Variants in ATG9B observed in about 807,000 individuals in gnomAD.
The protein encoded by ATG9B is autophagy related 9B.
In ATG9B, 92 loss-of-function variants were observed where a neutral mutation model predicts 92.9. The observed-to-expected ratio is 0.99, with a 90% CI of 0.84 to 1.18. ATG9B has a LOEUF of 1.18. ATG9B is among the 50% of genes most tolerant of loss of function. ATG9B has a pLI of 0.00. For missense variants in ATG9B, 1,344 were observed against 1,235.0 expected (o/e 1.09, Z -1.32); for synonymous variants, 599 against 551.4 (o/e 1.09, Z -1.21).
downstream of ATG9B, chr7:151,013,456 A>G (rs933773047): frequency 7.3e-6 from 11 of 1,514,086 alleles, no homozygotes; most frequent in Middle Eastern, 1.7e-4. Flanking sequence ...AGCGGGGCAC[A>G]CCAACCACGG....
rs768357564 is a variant in ATG9B, at chr7:151,016,469, A to C, written c.2482T>G (p.Ser828Ala). The part of the protein sequence containing the change: ...QKLAQLPELA[S>A]AEMSLHVIYL... ...ATGACATGGAGACTCATCTCGGCAG[A>C]AGCAAGTTCTGGGAGCTGGGCCAGC... Residue 828 changes from serine (S) to alanine (A), a missense_variant, in exon 11 of 14, where the codon TCT (serine) becomes GCT (alanine). Coordinates refer to ENST00000639579, the MANE Select transcript of ATG9B (RefSeq NM_001317056.2). The C allele has an allele frequency of 7.2e-5, 111 of 1,551,344 alleles. No homozygotes were observed. The highest frequency in any genetic ancestry group is 9.4e-5 in the Non-Finnish European group (108 of 1,146,972).
At chr7:151,016,648 C>G (rs992301480) in intron 10 of ATG9B, 40 bp downstream of exon 10, 9 of 1,549,638 alleles carry the variant, frequency 5.8e-6, no homozygotes, top group Non-Finnish European at 7.8e-6. Flanking sequence ...TCAGCCCACC[C>G]CCCTCCACAT....
chr7:151,019,115 G>C lies in ATG9B; in HGVS notation c.1223C>G (p.Pro408Arg). ...CCAGCCCCCGCGGAAGAGCGAGAAG[G>C]GACCGCGGAAGAGCAGCAGGTCGAC... Reference protein sequence around the residue: ...LNVDLLLFRGPFSLFRGGWEL... With the variant: ...LNVDLLLFRGRFSLFRGGWEL... Residue 408 changes from proline to arginine, a missense_variant, in exon 6 of 14, where the codon CCC becomes CGC. By Grantham distance (103) the Pro-to-Arg change is moderately radical (BLOSUM62 -2). Coordinates refer to ENST00000639579, the MANE Select transcript of ATG9B (RefSeq NM_001317056.2). 2.6e-6 allele frequency: 4 copies of C among 1,535,886 alleles called. No homozygotes were observed. Among genetic ancestry groups the C allele is most frequent in the Non-Finnish European group, 3.5e-6 (4 of 1,146,580 alleles).
rs145260851 is a variant in ATG9B, at chr7:151,017,533, C to T, written c.2053-261G>A. ...ATCCTGACAGCCTTGGTCCAGGCAC[C>T]AGTCCTTACTCAGCCCCACCCACCG... is the stretch of plus-strand genomic sequence containing the variant. On this transcript the variant is annotated intron_variant, in intron 8 of 13. Transcript: ENST00000639579. 3.0e-3 allele frequency among the ~76,000 whole-genome samples: 452 copies of T among 152,290 alleles called. 2 individuals carry two copies. The highest frequency in any genetic ancestry group is 0.01 in the African/African-American group (433 of 41,556).
At chr7:151,023,385 T>C in intron 3 of ATG9B, 60 bp downstream of exon 3, 1 of 1,605,030 alleles carries the variant, frequency 6.2e-7, no homozygotes, top group Non-Finnish European at 8.5e-7. Flanking sequence ...GGAAGCAAAA[T>C]GACAGAAGGA....
In ATG9B at chr7:151,016,693, G is replaced by A. The variant is rs1215991898; in HGVS notation, c.2418C>T (p.Asp806=). The change falls in exon 10 of 14, where the codon GAC becomes GAT. Residue 806 remains aspartate, a synonymous_variant. Coordinates refer to ENST00000639579, the MANE Select transcript of ATG9B (RefSeq NM_001317056.2). ...LLASISRIAQ[D]PSSVSPGGTG... ...TCTCAGCCTCCACTCCTCACCTGGG[G>A]TCCTGGGCAATTCGGGAAATGGAGG... The A allele has an allele frequency of 6.3e-7, 1 of 1,591,178 alleles. No individual in the cohort carries two copies. Among genetic ancestry groups the A allele is most frequent in the Admixed American group, 1.7e-5 (1 of 57,842 alleles).
rs3918214 is a variant in ATG9B, at chr7:151,015,539, A to G, written c.*189T>C. 924 of 198,580 alleles carry G rather than the reference A, an allele frequency of 4.7e-3. 5 individuals carry two copies. The highest frequency in any genetic ancestry group is 0.026 in the Middle Eastern group (14 of 530). The allele number at this position is 198,580 out of a possible 1,614,324, so 12.3% of individuals were successfully genotyped here. A position where few individuals can be genotyped will look rare whatever the true frequency, so the allele number is the denominator to read the frequency against. The stretch of plus-strand genomic sequence containing the variant: ...CTAAGACTTGTTTCCAGATGCCATC[A>G]GCATCTCCTCTCCTTGCCTACCTTT... On this transcript the variant is annotated 3_prime_UTR_variant, in exon 14 of 14. Transcript: ENST00000639579.
At chr7:151,022,404 G>A (rs1795785040) in intron 4 of ATG9B, among the ~76,000 whole-genome samples, 1 of 148,228 alleles carries the variant, frequency 6.7e-6, no homozygotes, top group African/African-American at 2.5e-5. Flanking sequence ...CCAAAGTGCT[G>A]GGATTACAGG....
In ATG9B at chr7:151,017,980, C is replaced by G. The variant is rs745778692; in HGVS notation, c.1943G>C (p.Arg648Pro). 2.5e-6 allele frequency: 4 copies of G among 1,606,062 alleles called. No individual in the cohort carries two copies. In the South Asian group the frequency reaches 4.5e-5, roughly 18 times the overall value. Residue 648 changes from arginine (R) to proline (P), a missense_variant, in exon 8 of 14, where the codon CGT (arginine) becomes CCT (proline). Arg to Pro is a moderately radical substitution (Grantham distance 103). Transcript: ENST00000639579. The stretch of plus-strand genomic sequence containing the variant: ...AAAAAAGTCGATAATCTCCAGGGCA[C>G]GAGGGCGGAACCAGAAAAGCAGAAA... ...PLFLLFWFRPRALEIIDFFHH... is the reference protein window; with the variant it reads ...PLFLLFWFRPPALEIIDFFHH...
At chr7:151,012,582 C>A, downstream of ATG9B, 1 of 1,358,416 alleles carries the variant, frequency 7.4e-7, no homozygotes, top group Non-Finnish European at 1.0e-6. Flanking sequence ...ACAAAGTCCA[C>A]AAAGCTGAAA....
In ATG9B at chr7:151,024,337, G is replaced by T. The variant is rs1240332814; in HGVS notation, c.87C>A (p.Pro29=). The T allele has an allele frequency of 7.0e-7, 1 of 1,418,444 alleles. No homozygotes were observed. Among genetic ancestry groups the T allele is most frequent in the South Asian group, 1.7e-5 (1 of 58,634 alleles). The allele number at this position is 1,418,444 out of a possible 1,614,324, so 87.9% of individuals were successfully genotyped here. Residue 29 remains proline (P), a synonymous_variant, in exon 1 of 14, where the codon CCC becomes CCA. Coordinates refer to ENST00000639579, the MANE Select transcript of ATG9B (RefSeq NM_001317056.2). ...DLGPGSVPLL[P]MPLPPPPPPS... is the part of the protein sequence containing the mutation. ...GAGGAGGAGGAGGTGGCAGTGGCAT[G>T]GGGAGGAGGGGCACCGATCCGGGCC...
chr7:151,012,221 T>G, downstream of ATG9B: 1 of 821,136 alleles, frequency 1.2e-6, no homozygotes, highest in Non-Finnish European at 1.8e-6. Context: ...GTTTTTTGTT[T>G]TTTGTTTTTT....
chr7:151,021,402 T>C, intron 4 of ATG9B, 73 bp from the exon 5 acceptor site: 1 of 1,482,982 alleles, frequency 6.7e-7, no homozygotes, highest in Non-Finnish European at 9.0e-7. Context: ...ACTTCGGGAG[T>C]GAGGAAAAAC....
At position 151,019,130 on chromosome 7, in the gene ATG9B, A is replaced by G. The variant is rs1272975969; in HGVS notation, c.1208T>C (p.Leu403Pro). Residue 403 changes from leucine to proline, a missense_variant, in exon 6 of 14, where the codon CTG (leucine) becomes CCG (proline). Transcript: ENST00000639579. ...SRGLALNVDLLLFRGPFSLFR... is the reference protein window; with the variant it reads ...SRGLALNVDLPLFRGPFSLFR... ...GAGCGAGAAGGGACCGCGGAAGAGC[A>G]GCAGGTCGACATTGAGCGCCAGGCC... is the stretch of plus-strand genomic sequence containing the variant. 1 of 1,535,934 alleles carries G rather than the reference A, an allele frequency of 6.5e-7. No individual in the cohort carries two copies. Among genetic ancestry groups the G allele is most frequent in the Non-Finnish European group, 8.7e-7 (1 of 1,146,626 alleles).
At chr7:151,012,246 TGAGA>T (rs2117137856), downstream of ATG9B, 4 of 983,630 alleles carry the variant, frequency 4.1e-6, no homozygotes, top group East Asian at 2.7e-5. Context: ...AATTTTTTTT[TGAGA>T]TGGGAAGAAC....
rs767567692 is a variant in ATG9B, at chr7:151,024,330, GT to G, written c.93del (p.Leu32CysfsTer74). The G allele has an allele frequency of 1.3e-4, 185 of 1,423,616 alleles. No homozygotes were observed. The highest frequency in any genetic ancestry group is 1.7e-4 in the Non-Finnish European group (181 of 1,085,040). The allele number at this position is 1,423,616 out of a possible 1,614,324, so 88.2% of individuals were successfully genotyped here. A position where few individuals can be genotyped will look rare whatever the true frequency, so the allele number is the denominator to read the frequency against. On this transcript the variant is annotated frameshift_variant, in exon 1 of 14. Transcript: ENST00000639579. LOFTEE classifies it high-confidence loss of function. ...CATGAAGGAGGAGGAGGAGGTGGCA[GT>G]GGCATGGGGAGGAGGGGCACCGATC... Reference protein sequence around the residue: ...GPGSVPLLPMPLPPPPPPSCR... With the variant: ...GPGSVPLLPMXLPPPPPPSCR...
chr7:151,021,465 G>A, intron 4 of ATG9B, 136 bp from the exon 5 acceptor site: 1 of 1,251,920 alleles, frequency 8.0e-7, no homozygotes, highest in East Asian at 2.7e-5. Context: ...GTAGAGCCCG[G>A]GGCAGGGGGT....
At chr7:151,014,600 G>GTT (rs1265349762), downstream of ATG9B, 22 of 145,530 alleles carry the variant, frequency 1.5e-4, no homozygotes, top group African/African-American at 1.6e-4. Flanking sequence ...GTGGATTACA[G>GTT]TTTTTTTTTT....
chr7:151,013,883 C>T (rs1240322692), downstream of ATG9B: 2 of 1,601,456 alleles, frequency 1.2e-6, no homozygotes, highest in South Asian at 1.1e-5. Context: ...CGACATGGAG[C>T]TGGACGAGGC....
Sources: allele counts gnomAD v4.1 joint callset (sites outside exome capture counted in the v4.1 genomes callset), GRCh38; gene constraint gnomAD v4.1.1; transcripts MANE v1.5; gene names NCBI Gene and HGNC (gene_info 2026-07-23, HGNC 2026-07-21).